WDFY1: variants seen among roughly 807,000 people sequenced by gnomAD.
WDFY1 encodes WD repeat and FYVE domain containing 1.
WDFY1 carries 32 observed loss-of-function variants against 56.4 expected under a neutral mutation model. That is an observed-to-expected ratio of 0.57 (90% CI 0.43 to 0.76). The LOEUF (loss-of-function observed/expected upper bound fraction) is 0.76. Among genes scored for constraint, WDFY1 ranks in the 30% least tolerant of loss-of-function variants. WDFY1 has a pLI of 0.00. For missense variants in WDFY1, 480 were observed against 545.7 expected (o/e 0.88, Z 1.20); for synonymous variants, 192 against 197.3 (o/e 0.97, Z 0.23).
In WDFY1 at chr2:223,901,319, C is replaced by G; in HGVS notation, c.349G>C (p.Val117Leu). 1 of 1,614,104 alleles carries G rather than the reference C, an allele frequency of 6.2e-7. No homozygotes were observed. Among genetic ancestry groups the G allele is most frequent in the Non-Finnish European group, 8.5e-7 (1 of 1,180,004 alleles). Residue 117 changes from valine (V) to leucine (L), a missense_variant, in exon 5 of 12, where the codon GTG becomes CTG. Physicochemically the swap from Val to Leu is conservative, Grantham distance 32. Transcript: ENST00000233055. ...GCCAAGCTGAAGATAATCGCAGACA[C>G]CCGGTTCTGATGAGCTGCAGGAACA... ...IKTYPAHQNR[V>L]SAIIFSLATE...
intron 8 of WDFY1, among the ~76,000 whole-genome samples, chr2:223,885,595 G>A (rs1018055258): frequency 5.9e-5 from 9 of 152,134 alleles, no homozygotes; most frequent in African/African-American, 2.2e-4. Flanking sequence ...TTTTTATTGT[G>A]AACCCTTAAG....
chr2:223,883,625 A>C (rs1021652690), intron 9 of WDFY1, among the ~76,000 whole-genome samples: 3 of 148,416 alleles, frequency 2.0e-5, no homozygotes, highest in Non-Finnish European at 3.0e-5. Flanking sequence ...TCTCTGAGTA[A>C]AATTTTTTAG....
intron 1 of WDFY1, among the ~76,000 whole-genome samples, chr2:223,920,662 C>CA (rs1315458160): frequency 6.6e-6 from 1 of 152,196 alleles, no homozygotes; most frequent in Non-Finnish European, 1.5e-5. Flanking sequence ...TGCAATAAAA[C>CA]AAAGTCTCAC....
chr2:223,894,456 A>G, intron 7 of WDFY1, 117 bp from the exon 8 acceptor site: 2 of 914,008 alleles, frequency 2.2e-6, no homozygotes, highest in Non-Finnish European at 3.5e-6. Flanking sequence ...TTTACCACTG[A>G]CTATTTAGCA....
chr2:223,883,067 T>G (rs12997341), intron 9 of WDFY1, among the ~76,000 whole-genome samples: 50,362 of 152,028 alleles, frequency 0.33, 9,420 homozygotes, highest in South Asian at 0.43. Flanking sequence ...TTTATTTTTA[T>G]AGAGACGGGG....
At chr2:223,944,770 G>T (rs938570036) in intron 1 of WDFY1, among the ~76,000 whole-genome samples, 1 of 150,934 alleles carries the variant, frequency 6.6e-6, no homozygotes, top group Admixed American at 6.6e-5. Flanking sequence ...CAGGAGGGGC[G>T]AGGTGGGCTG....
intron 1 of WDFY1, among the ~76,000 whole-genome samples, chr2:223,934,018 C>A (rs1158621301): frequency 2.3e-5 from 3 of 128,982 alleles, no homozygotes; most frequent in Non-Finnish European, 5.0e-5. Flanking sequence ...AGTCTTAAAA[C>A]ACAAATTAAA....
At chr2:223,930,422 C>A (rs989002530) in intron 1 of WDFY1, among the ~76,000 whole-genome samples, 1 of 152,156 alleles carries the variant, frequency 6.6e-6, no homozygotes. Context: ...CTCCGCCTAC[C>A]GGGTTCAGGC....
intron 1 of WDFY1, among the ~76,000 whole-genome samples, chr2:223,929,954 G>C (rs961562151): frequency 2.0e-5 from 3 of 152,132 alleles, no homozygotes; most frequent in African/African-American, 7.2e-5. Context: ...TTTTTTAAAG[G>C]CTTTTTAGAA....
In WDFY1 at chr2:223,877,700, A is replaced by G. The variant is rs1692993642; in HGVS notation, c.*971T>C. On this transcript the variant is annotated 3_prime_UTR_variant, in exon 12 of 12. Coordinates refer to ENST00000233055, the MANE Select transcript of WDFY1 (RefSeq NM_020830.5). The stretch of plus-strand genomic sequence containing the variant: ...TTATAACTCAAAGTCAAAATAGTGT[A>G]AAAGCTGTGGAGTGCTTTTGTAGGG... The G allele has an allele frequency of 6.6e-6, 1 of 152,590 alleles. No individual in the cohort carries two copies. The highest frequency in any genetic ancestry group is 1.9e-4 in the East Asian group (1 of 5,206). The allele number at this position is 152,590 out of a possible 1,614,324, so 9.5% of individuals were successfully genotyped here. A position where few individuals can be genotyped will look rare whatever the true frequency, so the allele number is the denominator to read the frequency against.
intron 3 of WDFY1, 36 bp downstream of exon 3, chr2:223,912,217 A>G (rs780915783): frequency 1.6e-5 from 25 of 1,573,096 alleles, no homozygotes; most frequent in Non-Finnish European, 1.9e-5. Flanking sequence ...AATATAATAT[A>G]AAGAATACAA....
At chr2:223,906,889 A>C (rs1693604836) in intron 3 of WDFY1, among the ~76,000 whole-genome samples, 1 of 151,924 alleles carries the variant, frequency 6.6e-6, no homozygotes, top group South Asian at 2.1e-4. Context: ...TTTTATTGCA[A>C]AAAAATCAAC....
At chr2:223,905,810 G>A in intron 4 of WDFY1, 137 bp downstream of exon 4, 1 of 532,542 alleles carries the variant, frequency 1.9e-6, no homozygotes, top group Non-Finnish European at 3.0e-6. Context: ...ATCACTAAAA[G>A]ACAAGTCTCT....
At chr2:223,933,781 A>C (rs1559176002) in intron 1 of WDFY1, among the ~76,000 whole-genome samples, 1 of 128,674 alleles carries the variant, frequency 7.8e-6, no homozygotes, top group East Asian at 2.1e-4. Context: ...ACATAGTGAG[A>C]CCCCCCCCCA....
In WDFY1 at chr2:223,894,015, G is replaced by A. The variant is rs182881419; in HGVS notation, c.831+219C>T. Among the ~76,000 whole-genome samples, 135 of 152,316 alleles carry A rather than the reference G, an allele frequency of 8.9e-4. 2 individuals are homozygous for A. The highest frequency in any genetic ancestry group is 2.0e-3 in the Admixed American group (31 of 15,308). On this transcript the variant is annotated intron_variant, in intron 8 of 11. Transcript: ENST00000233055. ...CTGAGAACCAGCCTAAACGCTGATT[G>A]TATATACTGCATGTCATTGGTAGAA...
rs543163995 is a variant in WDFY1 at position 223,898,410 on chromosome 2, A to AT, written c.598+547dup. ...AATAACTTATTTTATTTTTATTTCT[A>AT]TTTTTTTGAGACAGAGTCTCACTCT... On this transcript the variant is annotated intron_variant, in intron 6 of 11. Transcript: ENST00000233055. 9.2e-5 allele frequency among the ~76,000 whole-genome samples: 14 copies of AT among 152,060 alleles called. No individual in the cohort carries two copies. In the East Asian group the frequency reaches 2.7e-3, roughly 29 times the overall value.
At chr2:223,914,359 T>C (rs557410263) in intron 2 of WDFY1, among the ~76,000 whole-genome samples, 1 of 152,350 alleles carries the variant, frequency 6.6e-6, no homozygotes, top group Non-Finnish European at 1.5e-5. Flanking sequence ...AAACTTTGGA[T>C]CACACCAGAA....
chr2:223,914,620 T>C (rs1330233308), intron 2 of WDFY1, among the ~76,000 whole-genome samples: 1 of 152,248 alleles, frequency 6.6e-6, no homozygotes, highest in Non-Finnish European at 1.5e-5. Flanking sequence ...TTTGTAGACC[T>C]ACCCATCACT....
At chr2:223,904,146 G>C (rs1346260475) in intron 4 of WDFY1, among the ~76,000 whole-genome samples, 1 of 152,194 alleles carries the variant, frequency 6.6e-6, no homozygotes, top group Admixed American at 6.5e-5. Flanking sequence ...ATTACTCAGT[G>C]CAAGATTGGA....
Sources: allele counts gnomAD v4.1 joint callset (sites outside exome capture counted in the v4.1 genomes callset), GRCh38; gene constraint gnomAD v4.1.1; transcripts MANE v1.5; gene names NCBI Gene and HGNC (gene_info 2026-07-23, HGNC 2026-07-21).